ZNF385D: variants seen among roughly 807,000 people sequenced by gnomAD.
The protein encoded by ZNF385D is zinc finger protein 385D.
A neutral mutation model predicts 35.8 loss-of-function variants in ZNF385D; 15 were observed. That is an observed-to-expected ratio of 0.42 (90% CI 0.28 to 0.64). ZNF385D has a LOEUF of 0.64. Among genes scored for constraint, ZNF385D ranks in the 30% least tolerant of loss-of-function variants. ZNF385D has a pLI of 0.23. For missense variants in ZNF385D, 474 were observed against 494.6 expected, an observed-to-expected ratio of 0.96 and a Z score of 0.39; for synonymous variants, 212 against 186.8, an observed-to-expected ratio of 1.13 and a Z score of -1.10.
chr3:22,147,522 T>C (rs1704938876), intron 3 of ZNF385D, among the ~76,000 whole-genome samples: 1 of 152,060 alleles, frequency 6.6e-6, no homozygotes, highest in South Asian at 2.1e-4. Context: ...ATGGTGTCAA[T>C]ACAGAGGAAA....
intron 3 of ZNF385D, among the ~76,000 whole-genome samples, chr3:22,151,461 T>G (rs111413058): frequency 4.6e-5 from 7 of 152,218 alleles, no homozygotes; most frequent in African/African-American, 1.7e-4. Flanking sequence ...ATTCCTACAG[T>G]TGATGGATTA....
At chr3:21,859,264 C>CT (rs1696906073) in intron 3 of ZNF385D, among the ~76,000 whole-genome samples, 1 of 152,036 alleles carries the variant, frequency 6.6e-6, no homozygotes, top group Admixed American at 6.6e-5. Flanking sequence ...GCTTTATACC[C>CT]TGCCCGCAGA....
At chr3:21,924,102 A>C (rs1386678974) in intron 3 of ZNF385D, among the ~76,000 whole-genome samples, 3 of 152,220 alleles carry the variant, frequency 2.0e-5, no homozygotes, top group Non-Finnish European at 4.4e-5. Flanking sequence ...TAGCTCAATC[A>C]ACTACAGAAA....
chr3:21,926,242 G>A (rs1361050152), intron 3 of ZNF385D, among the ~76,000 whole-genome samples: 7 of 151,888 alleles, frequency 4.6e-5, no homozygotes, highest in African/African-American at 1.7e-4. Context: ...CCATAAACCT[G>A]TCATCTTCAT....
chr3:22,324,388 T>G (rs564380891), intron 2 of ZNF385D, among the ~76,000 whole-genome samples: 44 of 152,284 alleles, frequency 2.9e-4, no homozygotes, highest in African/African-American at 1.1e-3. Context: ...AAGGGGTCCA[T>G]TTGTCAAATA....
At chr3:21,771,248 A>T (rs2071066738) in intron 3 of ZNF385D, among the ~76,000 whole-genome samples, 1 of 151,918 alleles carries the variant, frequency 6.6e-6, no homozygotes, top group Admixed American at 6.6e-5. Context: ...ATAATAAAAA[A>T]AAAAACCTGA....
chr3:21,802,676 G>GTT (rs761547114), intron 3 of ZNF385D, among the ~76,000 whole-genome samples: 7 of 152,166 alleles, frequency 4.6e-5, no homozygotes, highest in South Asian at 2.1e-4. Flanking sequence ...ACACTCAATA[G>GTT]AACACTTGTC....
intron 2 of ZNF385D, among the ~76,000 whole-genome samples, chr3:22,289,758 G>T (rs1702202807): frequency 6.6e-6 from 1 of 152,078 alleles, no homozygotes; most frequent in South Asian, 2.1e-4. Context: ...TAAAAGTTGG[G>T]GCACTGATGC....
At chr3:21,993,569 A>C (rs1324720639) in intron 3 of ZNF385D, among the ~76,000 whole-genome samples, 1 of 152,218 alleles carries the variant, frequency 6.6e-6, no homozygotes, top group African/African-American at 2.4e-5. Context: ...GCATTAATTC[A>C]TCATTAATAA....
rs1318322195 is a variant in ZNF385D, at chr3:21,412,231, G to T, written c.*8983C>A. The T allele has an allele frequency of 6.6e-6, 1 of 151,966 alleles. No individual in the cohort carries two copies. The highest frequency in any genetic ancestry group is 2.4e-5 in the African/African-American group (1 of 41,396). The allele number at this position is 151,966 out of a possible 1,614,324, so 9.4% of individuals were successfully genotyped here. On this transcript the variant is annotated 3_prime_UTR_variant, in exon 8 of 8. Coordinates refer to ENST00000281523, the MANE Select transcript of ZNF385D (RefSeq NM_024697.3). ...ATCATCCAGAACTGAATGAAAATAA[G>T]ATATTTTACTTTTTTTCTTTAATCA...
chr3:21,430,931 G>T (rs1701265715), intron 5 of ZNF385D: 1 of 152,108 alleles, frequency 6.6e-6, no homozygotes, highest in Non-Finnish European at 1.5e-5. Context: ...TTTGCATTTT[G>T]TGTAAACTAG....
intron 4 of ZNF385D, among the ~76,000 whole-genome samples, chr3:21,452,498 A>T (rs1702519341): frequency 6.6e-6 from 1 of 152,068 alleles, no homozygotes; most frequent in African/African-American, 2.4e-5. Flanking sequence ...CTATTCATAG[A>T]TGACATGATC....
intron 3 of ZNF385D, among the ~76,000 whole-genome samples, chr3:22,023,361 C>T (rs111646312): frequency 2.2e-4 from 33 of 152,246 alleles, no homozygotes; most frequent in Non-Finnish European, 4.3e-4. Flanking sequence ...ACTGAGTAAA[C>T]ATGCTCATAA....
At chr3:21,731,606 C>T (rs1232607157) in intron 1 of ZNF385D, among the ~76,000 whole-genome samples, 1 of 152,312 alleles carries the variant, frequency 6.6e-6, no homozygotes, top group East Asian at 1.9e-4. Context: ...TCCCTCATTA[C>T]AGTAACATAC....
At chr3:22,163,388 A>T (rs1174381856) in intron 3 of ZNF385D, among the ~76,000 whole-genome samples, 2 of 152,174 alleles carry the variant, frequency 1.3e-5, no homozygotes, top group Admixed American at 1.3e-4. Context: ...ATAGCCCCCT[A>T]ATTAATTTAT....
At position 21,943,104 on chromosome 3, in the gene ZNF385D, C is replaced by G. The variant is rs61571275; in HGVS notation, c.325+225713G>C. Among the ~76,000 whole-genome samples, 1,246 of 152,134 alleles carry G rather than the reference C, an allele frequency of 8.2e-3. 16 individuals carry two copies. The highest frequency in any genetic ancestry group is 0.029 in the African/African-American group (1,189 of 41,496). On this transcript the variant is annotated intron_variant, in intron 3 of 5. Transcript: ENST00000494108. Reference sequence around the variant, plus strand: ...GGTCTTAACTTTAGGCTAAATTCAGCTATTTCATACTGGAAGGCCTAAAAA... The same window carrying G: ...GGTCTTAACTTTAGGCTAAATTCAGGTATTTCATACTGGAAGGCCTAAAAA...
chr3:22,352,428 G>A (rs560199356), intron 2 of ZNF385D, among the ~76,000 whole-genome samples: 3 of 152,260 alleles, frequency 2.0e-5, no homozygotes, highest in South Asian at 2.1e-4. Flanking sequence ...TGCATGACAC[G>A]GTGTGACTGA....
intron 3 of ZNF385D, among the ~76,000 whole-genome samples, chr3:21,890,827 TG>T (rs1285640825): frequency 2.0e-5 from 3 of 152,210 alleles, no homozygotes; most frequent in Non-Finnish European, 4.4e-5. Flanking sequence ...ACTTGCATTA[TG>T]GAGAAGCCAA....
At chr3:21,675,742 G>A (rs2066706039) in intron 1 of ZNF385D, among the ~76,000 whole-genome samples, 1 of 152,024 alleles carries the variant, frequency 6.6e-6, no homozygotes, top group African/African-American at 2.4e-5. Flanking sequence ...AGTTTATCAT[G>A]TTTATAATCC....
Sources: gnomAD v4.1 joint callset for allele counts (sites outside exome capture counted in the v4.1 genomes callset) on GRCh38, gnomAD v4.1.1 for gene constraint, MANE v1.5 for transcripts, NCBI Gene and HGNC (gene_info 2026-07-23, HGNC 2026-07-21) for gene names.